PPFIBP2: variants seen among roughly 807,000 people sequenced by gnomAD.
The protein encoded by PPFIBP2 is liprin-beta-2.
A neutral mutation model predicts 118.3 loss-of-function variants in PPFIBP2; 118 were observed. That is an observed-to-expected ratio of 1.00 (90% CI 0.86 to 1.16). PPFIBP2 has a LOEUF of 1.16. PPFIBP2 is among the 50% of genes most tolerant of loss of function. PPFIBP2 has a pLI of 0.00. For missense variants in PPFIBP2, 1,195 were observed against 1,073.1 expected, an observed-to-expected ratio of 1.11 and a Z score of -1.59; for synonymous variants, 414 against 397.4, an observed-to-expected ratio of 1.04 and a Z score of -0.50.
intron 12 of PPFIBP2, 72 bp downstream of exon 12, chr11:7,633,006 T>C: frequency 1.4e-6 from 2 of 1,380,566 alleles, no homozygotes; most frequent in Admixed American, 1.8e-5. Flanking sequence ...AAGTAGATGG[T>C]GATGACCGTG....
intron 3 of PPFIBP2, among the ~76,000 whole-genome samples, 179 bp downstream of exon 3, chr11:7,565,946 A>G (rs1854921033): frequency 1.3e-5 from 2 of 152,158 alleles, no homozygotes; most frequent in South Asian, 2.1e-4. Flanking sequence ...AGCCCAGTCA[A>G]GCGACTTAAG....
chr11:7,578,444 G>A (rs577968189), intron 3 of PPFIBP2, among the ~76,000 whole-genome samples: 18 of 152,230 alleles, frequency 1.2e-4, no homozygotes, highest in Non-Finnish European at 2.4e-4. Flanking sequence ...TGTCCAGCTT[G>A]GAAGGGGCAT....
downstream of PPFIBP2, chr11:7,656,643 T>A: frequency 1.0e-6 from 1 of 996,330 alleles, no homozygotes; most frequent in Non-Finnish European, 1.4e-6. Flanking sequence ...CCTCACCCAG[T>A]GCCCTCTAGT....
the PPFIBP2 span, chr11:7,666,823 A>G: frequency 3.3e-6 from 1 of 306,062 alleles, no homozygotes; most frequent in Admixed American, 4.6e-5. Flanking sequence ...GAAGGACCTT[A>G]GCCAAGCGCT....
chr11:7,652,497 A>G (rs1035644584), intron 23 of PPFIBP2, among the ~76,000 whole-genome samples: 2 of 152,212 alleles, frequency 1.3e-5, no homozygotes, highest in Non-Finnish European at 2.9e-5. Flanking sequence ...ATGCCCAGCT[A>G]CAACTCAGGC....
At chr11:7,659,580 G>T (rs1157055081), downstream of PPFIBP2, among the ~76,000 whole-genome samples, 1 of 141,358 alleles carries the variant, frequency 7.1e-6, no homozygotes, top group Non-Finnish European at 1.5e-5. Flanking sequence ...GTCAGGTAGT[G>T]TGATGCCTCC....
At position 7,549,518 on chromosome 11, in the gene PPFIBP2, C is replaced by G. The variant is rs1418337752; in HGVS notation, c.43C>G (p.Gln15Glu). The G allele has an allele frequency of 7.0e-6, 11 of 1,563,350 alleles. No homozygotes were observed. The highest frequency in any genetic ancestry group is 9.5e-6 in the Non-Finnish European group (11 of 1,153,824). The change falls in exon 2 of 24, where the codon CAA becomes GAA. Residue 15 changes from glutamine to glutamate, a missense_variant. Gln to Glu is a conservative substitution (Grantham distance 29). Transcript: ENST00000299492. The stretch of plus-strand genomic sequence containing the variant: ...TCATGCGCTGGAAGCTGCCCTGGAG[C>G]AAATGGACGGGATCATTGCAGGTAC... ...ASHALEAALEQMDGIIAGTKT... is the reference protein window; with the variant it reads ...ASHALEAALEEMDGIIAGTKT...
intron 6 of PPFIBP2, among the ~76,000 whole-genome samples, chr11:7,613,650 G>A (rs1467806693): frequency 1.3e-5 from 2 of 152,156 alleles, no homozygotes; most frequent in Non-Finnish European, 2.9e-5. Context: ...GAGATCCAGA[G>A]GTAAAGGAAA....
Position 7,616,807 on chromosome 11 carries a change from T to C in PPFIBP2, c.619-4128T>C, listed in dbSNP as rs990077091. On this transcript the variant is annotated intron_variant, in intron 6 of 23. Transcript: ENST00000299492. This position sits in a 1 kb window ranked among gnomAD's most constrained non-coding sequence, Gnocchi z 5.2. ...GTGTGCACCCATCTCTGCTATTGCT[T>C]CTGCTTGGATGAAGAGTTTCTTCTA... 2.0e-5 allele frequency among the ~76,000 whole-genome samples: 3 copies of C among 151,896 alleles called. No individual in the cohort carries two copies. The highest frequency in any genetic ancestry group is 7.3e-5 in the African/African-American group (3 of 41,348).
chr11:7,603,026 G>C (rs553938926), intron 5 of PPFIBP2, among the ~76,000 whole-genome samples: 30 of 152,192 alleles, frequency 2.0e-4, no homozygotes, highest in Non-Finnish European at 3.8e-4. Flanking sequence ...AAGACACTGA[G>C]CCTAAGACAC....
intron 13 of PPFIBP2, 39 bp downstream of exon 13, chr11:7,634,591 C>T (rs1375291635): frequency 1.3e-6 from 2 of 1,541,756 alleles, no homozygotes; most frequent in African/African-American, 1.4e-5. Flanking sequence ...GACTGAGTTA[C>T]TTTTTTGGGC....
chr11:7,619,231 T>C (rs1849052740), intron 6 of PPFIBP2, among the ~76,000 whole-genome samples: 1 of 151,942 alleles, frequency 6.6e-6, no homozygotes, highest in South Asian at 2.1e-4. Flanking sequence ...GTACACAGAG[T>C]ACAACAAGAG....
At chr11:7,660,525 GA>G (rs1231386187), downstream of PPFIBP2, among the ~76,000 whole-genome samples, 1 of 148,964 alleles carries the variant, frequency 6.7e-6, no homozygotes, top group African/African-American at 2.5e-5. Flanking sequence ...TAAGCTTTTT[GA>G]TGTGCTGCTG....
intron 3 of PPFIBP2, chr11:7,574,159 T>C (rs1354813557): frequency 6.6e-6 from 1 of 152,274 alleles, no homozygotes; most frequent in Non-Finnish European, 1.5e-5. Context: ...CCTCACAGTC[T>C]CCTGCCCTTT....
intron 1 of PPFIBP2, among the ~76,000 whole-genome samples, chr11:7,547,799 G>A (rs1448805993): frequency 1.3e-5 from 2 of 152,140 alleles, no homozygotes; most frequent in African/African-American, 4.8e-5. Flanking sequence ...CCCCGAGGCT[G>A]AATGCCTGCT....
At chr11:7,560,862 T>A (rs182147550) in intron 2 of PPFIBP2, among the ~76,000 whole-genome samples, 4 of 152,370 alleles carry the variant, frequency 2.6e-5, no homozygotes, top group Admixed American at 2.6e-4. Flanking sequence ...ATATCATTTT[T>A]AAATGTTCTA....
At chr11:7,541,757 G>A (rs1564953421) in intron 1 of PPFIBP2, among the ~76,000 whole-genome samples, 1 of 152,110 alleles carries the variant, frequency 6.6e-6, no homozygotes, top group Admixed American at 6.5e-5. Context: ...CTTCCTAGGT[G>A]TCTATAGGCC....
intron 5 of PPFIBP2, among the ~76,000 whole-genome samples, chr11:7,608,876 T>C (rs116144482): frequency 0.016 from 2,416 of 152,352 alleles, 61 homozygotes; most frequent in African/African-American, 0.054. Context: ...TTGGACGCAC[T>C]CATCTGGCTG....
At chr11:7,618,464 G>C (rs1243635707) in intron 6 of PPFIBP2, among the ~76,000 whole-genome samples, 3 of 152,164 alleles carry the variant, frequency 2.0e-5, no homozygotes, top group African/African-American at 7.2e-5. Flanking sequence ...GTACACTTCT[G>C]ATTCTGATAT....
Sources: gnomAD v4.1 joint callset for allele counts (sites outside exome capture counted in the v4.1 genomes callset) on GRCh38, gnomAD v4.1.1 for gene constraint, Gnocchi (gnomAD v3.1) non-coding constraint, MANE v1.5 for transcripts, NCBI Gene and HGNC (gene_info 2026-07-23, HGNC 2026-07-21) for gene names.